ATIC: variants seen among roughly 807,000 people sequenced by gnomAD.
ATIC encodes bifunctional purine biosynthesis protein ATIC.
Under a neutral mutation model 72.5 loss-of-function variants are expected in ATIC, and 64 were observed. The observed-to-expected ratio is 0.88, with a 90% CI of 0.72 to 1.09. The LOEUF (loss-of-function observed/expected upper bound fraction) is 1.09, where lower values mean the gene tolerates loss of function less well. Ranked by LOEUF, ATIC falls within the 50% of genes least tolerant of loss-of-function variation. ATIC has a pLI of 0.00. For missense variants in ATIC, 787 were observed against 732.4 expected, an observed-to-expected ratio of 1.07 and a Z score of -0.86; for synonymous variants, 281 against 267.1, an observed-to-expected ratio of 1.05 and a Z score of -0.51.
intron 10 of ATIC, 136 bp from the exon 11 acceptor site, chr2:215,335,899 G>A (rs1219072606): frequency 1.0e-5 from 7 of 680,460 alleles, no homozygotes; most frequent in Non-Finnish European, 1.8e-5. Flanking sequence ...TTCAAGTATA[G>A]CGTTAGCATT....
At chr2:215,362,348 C>A in the ATIC span, 257 of 459,822 alleles carry the variant, frequency 5.6e-4, no homozygotes, top group Non-Finnish European at 8.8e-4. Context: ...CCTTGCCCAT[C>A]TGCTGAGGCT....
At chr2:215,359,446 G>C in the ATIC span, among the ~76,000 whole-genome samples, 1 of 152,070 alleles carries the variant, frequency 6.6e-6, no homozygotes, top group African/African-American at 2.4e-5. Context: ...CTCTCTCCAG[G>C]GTGCAGTGAT....
intron 1 of ATIC, 139 bp from the exon 2 acceptor site, chr2:215,312,359 G>T (rs538427857): frequency 2.9e-4 from 448 of 1,536,544 alleles, no homozygotes; most frequent in Admixed American, 1.9e-3. Flanking sequence ...ACCTGGGGAG[G>T]CCCGGACCAG....
the ATIC span, chr2:215,361,318 T>C: frequency 1.9e-6 from 1 of 537,886 alleles, no homozygotes; most frequent in Non-Finnish European, 3.3e-6. Flanking sequence ...CTGAGCGGTA[T>C]TGAATACTTC....
At chr2:215,318,085 G>A (rs1462648476) in intron 2 of ATIC, 72 bp from the exon 3 acceptor site, 15 of 1,330,250 alleles carry the variant, frequency 1.1e-5, no homozygotes, top group Non-Finnish European at 1.5e-5. Flanking sequence ...AATGAAAACA[G>A]TAGATGCTTT....
chr2:215,367,626 T>A, the ATIC span: 1 of 542,708 alleles, frequency 1.8e-6, no homozygotes, highest in East Asian at 3.3e-5. Context: ...CATAATCTTA[T>A]GTGTAATTAA....
At chr2:215,364,935 A>G in the ATIC span, 6 of 1,579,248 alleles carry the variant, frequency 3.8e-6, no homozygotes, top group South Asian at 4.6e-5. Context: ...TCCTTCTGCC[A>G]CTGTTCTCCT....
At chr2:215,362,493 G>A in the ATIC span, 1 of 242,488 alleles carries the variant, frequency 4.1e-6, no homozygotes, top group African/African-American at 2.3e-5. Flanking sequence ...AGGAAACAGA[G>A]ACCCAGAGGA....
Position 215,319,547 on chromosome 2 carries a change from AT to A in ATIC, c.224-117del. On this transcript the variant is annotated intron_variant, in intron 3 of 15. Transcript: ENST00000236959. ...GATAGAGTGAGACCATCTCAAAAAAATAAATTTTTTTTTTAATCAATGGGAT... is the reference window on the plus strand; with the variant it reads ...GATAGAGTGAGACCATCTCAAAAAAAAAATTTTTTTTTTAATCAATGGGAT... The A allele has an allele frequency of 7.4e-6, 6 of 806,994 alleles. No homozygotes were observed. In the African/African-American group the frequency reaches 8.7e-5, roughly 12 times the overall value. The allele number at this position is 806,994 out of a possible 1,614,324, so 50.0% of individuals were successfully genotyped here. A position where few individuals can be genotyped will look rare whatever the true frequency, so the allele number is the denominator to read the frequency against.
chr2:215,319,812 T>C, intron 4 of ATIC, 81 bp downstream of exon 4: 1 of 1,162,742 alleles, frequency 8.6e-7, no homozygotes, highest in Non-Finnish European at 1.3e-6. Context: ...CTGTGTTTTC[T>C]TACTCACTAT....
chr2:215,337,419 T>G (rs1405104673), intron 11 of ATIC, among the ~76,000 whole-genome samples: 2 of 152,138 alleles, frequency 1.3e-5, no homozygotes, highest in Non-Finnish European at 2.9e-5. Context: ...CAGGCTAGAG[T>G]GCAGTGGTGT....
intron 13 of ATIC, 122 bp downstream of exon 13, chr2:215,344,993 G>C (rs1460818458): frequency 9.8e-6 from 10 of 1,016,424 alleles, no homozygotes; most frequent in Admixed American, 2.0e-5. Context: ...TTTGTCTTTT[G>C]TGTTTGTCAG....
downstream of ATIC, among the ~76,000 whole-genome samples, chr2:215,354,642 T>A (rs2053153280): frequency 6.6e-6 from 1 of 152,178 alleles, no homozygotes. Flanking sequence ...TCCATTCTGC[T>A]GTGTGTCCTG....
At position 215,333,430 on chromosome 2, in the gene ATIC, A is replaced by T. The variant is rs2052917572; in HGVS notation, c.895A>T (p.Ile299Phe). The change falls in exon 9 of 16, where the codon ATC (isoleucine) becomes TTC (phenylalanine). Residue 299 changes from isoleucine to phenylalanine, a missense_variant. Transcript: ENST00000236959. ...VYDLYKTLTP[I>F]SAAYARARGA... is the part of the protein sequence containing the mutation. ...TGATCTCTATAAAACCCTCACACCC[A>T]TCTCAGCGGCATATGCAAGAGCAAG... 6.2e-7 allele frequency: 1 copy of T among 1,614,020 alleles called. No individual in the cohort carries two copies. The highest frequency in any genetic ancestry group is 1.1e-5 in the South Asian group (1 of 91,088).
the ATIC span, among the ~76,000 whole-genome samples, chr2:215,366,863 C>A: frequency 1.3e-5 from 2 of 152,172 alleles, no homozygotes; most frequent in African/African-American, 4.8e-5. Context: ...AAACCATCTA[C>A]TTGAAGTCAA....
chr2:215,326,470 T>C (rs759161838), intron 6 of ATIC, among the ~76,000 whole-genome samples: 4 of 151,914 alleles, frequency 2.6e-5, no homozygotes, highest in Non-Finnish European at 4.4e-5. Context: ...CCGAGTGTGG[T>C]GTGGTGTGGT....
chr2:215,329,112 T>C (rs2052862325), intron 7 of ATIC, among the ~76,000 whole-genome samples: 1 of 152,200 alleles, frequency 6.6e-6, no homozygotes, highest in Non-Finnish European at 1.5e-5. Flanking sequence ...CCCTAAATGT[T>C]TACTGAATGA....
intron 12 of ATIC, among the ~76,000 whole-genome samples, chr2:215,340,527 A>G (rs1305787110): frequency 6.6e-6 from 1 of 152,174 alleles, no homozygotes; most frequent in Non-Finnish European, 1.5e-5. Flanking sequence ...GGCATTGGGT[A>G]TGAAAAAACT....
intron 4 of ATIC, among the ~76,000 whole-genome samples, chr2:215,323,153 G>A (rs1445641405): frequency 5.3e-5 from 8 of 151,996 alleles, no homozygotes; most frequent in Non-Finnish European, 7.4e-5. Context: ...CACCGTGTTC[G>A]CCAGGATGGT....
Sources: gnomAD v4.1 joint callset for allele counts (sites outside exome capture counted in the v4.1 genomes callset) on GRCh38, gnomAD v4.1.1 for gene constraint, MANE v1.5 for transcripts, NCBI Gene and HGNC (gene_info 2026-07-23, HGNC 2026-07-21) for gene names.